The following AMPH variants were observed in gnomAD, a reference collection of about 807,000 sequenced individuals.
AMPH encodes amphiphysin, also known as amphiphysin (Stiff-Mann syndrome with breast cancer 128kD autoantigen).
Under a neutral mutation model 99.1 loss-of-function variants are expected in AMPH, and 49 were observed. The observed-to-expected ratio is 0.49, with a 90% CI of 0.39 to 0.63. The LOEUF (loss-of-function observed/expected upper bound fraction) is 0.63, where lower values mean the gene tolerates loss of function less well. Ranked by LOEUF, AMPH falls within the 20% of genes least tolerant of loss-of-function variation. AMPH has a pLI of 0.00. For missense variants in AMPH, 759 were observed against 863.4 expected, an observed-to-expected ratio of 0.88 and a Z score of 1.52; for synonymous variants, 314 against 317.3, an observed-to-expected ratio of 0.99 and a Z score of 0.11.
intron 11 of AMPH, among the ~76,000 whole-genome samples, chr7:38,437,631 AAAAAAAAAAAAAG>A (rs1411823819): frequency 7.6e-6 from 1 of 131,460 alleles, no homozygotes; most frequent in Non-Finnish European, 1.6e-5. Context: ...AATACAAAAA[AAAAAAAAAAAAAG>A]AAAAGAAAAA....
At chr7:38,420,278 T>C (rs1441544729) in intron 16 of AMPH, among the ~76,000 whole-genome samples, 1 of 152,228 alleles carries the variant, frequency 6.6e-6, no homozygotes. Context: ...ATTCTAAGTA[T>C]TTTGTCAAGA....
chr7:38,520,260 C>A (rs1306670757), intron 2 of AMPH, among the ~76,000 whole-genome samples: 1 of 152,170 alleles, frequency 6.6e-6, no homozygotes. Context: ...CAGGAATAAA[C>A]TCTCCCTAGT....
chr7:38,529,556 G>A (rs1790316866), intron 2 of AMPH, among the ~76,000 whole-genome samples: 2 of 152,200 alleles, frequency 1.3e-5, no homozygotes, highest in South Asian at 4.1e-4. Flanking sequence ...ACACTGCTCT[G>A]GAGGGCACAA....
chr7:38,406,765 T>C (rs1014168290), intron 17 of AMPH, among the ~76,000 whole-genome samples: 1 of 144,874 alleles, frequency 6.9e-6, no homozygotes. Flanking sequence ...TCTCTCTCTC[T>C]CTCTCTCTCT....
At chr7:38,514,267 A>C (rs929932996) in intron 2 of AMPH, among the ~76,000 whole-genome samples, 51 of 152,366 alleles carry the variant, frequency 3.3e-4, no homozygotes, top group African/African-American at 1.1e-3. Context: ...GTAAATCCAT[A>C]GCAAATTCAT....
At chr7:38,610,211 G>C (rs139721052) in intron 1 of AMPH, among the ~76,000 whole-genome samples, 3 of 119,020 alleles carry the variant, frequency 2.5e-5, no homozygotes, top group Admixed American at 1.9e-4. Flanking sequence ...ACTCCAGCCC[G>C]GGCAACAAAA....
chr7:38,615,078 A>C (rs575940256), intron 1 of AMPH, among the ~76,000 whole-genome samples: 1 of 152,336 alleles, frequency 6.6e-6, no homozygotes, highest in African/African-American at 2.4e-5. Flanking sequence ...ATATTGCAGA[A>C]TAACTTCACC....
chr7:38,542,473 T>C (rs1483101273), intron 1 of AMPH, among the ~76,000 whole-genome samples: 1 of 152,152 alleles, frequency 6.6e-6, no homozygotes, highest in Non-Finnish European at 1.5e-5. Context: ...CAGCCAGATG[T>C]TTGAGAGCAA....
chr7:38,422,307 G>T, intron 16 of AMPH, 114 bp downstream of exon 16: 2 of 837,018 alleles, frequency 2.4e-6, no homozygotes, highest in Non-Finnish European at 1.9e-6. Flanking sequence ...AAAAGTACAG[G>T]ATCCAGAAAC....
At chr7:38,488,154 T>C (rs1788580616) in intron 5 of AMPH, among the ~76,000 whole-genome samples, 1 of 152,120 alleles carries the variant, frequency 6.6e-6, no homozygotes, top group African/African-American at 2.4e-5. Flanking sequence ...TACCATTTGA[T>C]GCAGCAATCC....
At chr7:38,441,738 T>G (rs1166228537) in intron 11 of AMPH, among the ~76,000 whole-genome samples, 1 of 147,872 alleles carries the variant, frequency 6.8e-6, no homozygotes, top group African/African-American at 2.5e-5. Context: ...ATGATATATA[T>G]GACAGATATA....
At chr7:38,555,249 TA>T (rs35861878) in intron 1 of AMPH, among the ~76,000 whole-genome samples, 50,940 of 144,992 alleles carry the variant, frequency 0.35, 9,237 homozygotes, top group East Asian at 0.53. Flanking sequence ...TAACACAATT[TA>T]AAAAAAAAAA....
chr7:38,529,021 G>C (rs1327036902), intron 2 of AMPH, among the ~76,000 whole-genome samples: 2 of 151,994 alleles, frequency 1.3e-5, no homozygotes, highest in Admixed American at 1.3e-4. Flanking sequence ...TATTACACCA[G>C]ACTATCTTAA....
chr7:38,481,311 A>AT (rs1298913631), intron 5 of AMPH, among the ~76,000 whole-genome samples: 1 of 152,132 alleles, frequency 6.6e-6, no homozygotes, highest in Non-Finnish European at 1.5e-5. Flanking sequence ...ACTTAATTAA[A>AT]TTACATTATA....
rs545206439 is a variant in AMPH, at chr7:38,473,567, G to A, written c.590+1764C>T. On this transcript the variant is annotated intron_variant, in intron 7 of 20. Transcript: ENST00000356264. Reference sequence around the variant, plus strand: ...AAAATACAAAAAATTAGCCGGGCGCGGTGGCGGGCGCCTGTAGTCCCAGCT... The same window carrying A: ...AAAATACAAAAAATTAGCCGGGCGCAGTGGCGGGCGCCTGTAGTCCCAGCT... Among the ~76,000 whole-genome samples the A allele has an allele frequency of 1.1e-3, 118 of 106,578 alleles. 28 individuals carry two copies. Among genetic ancestry groups the A allele is most frequent in the South Asian group, 3.2e-3 (8 of 2,490 alleles). 69.9% of individuals were successfully genotyped at this position (106,578 alleles called of 152,430 possible). A position where few individuals can be genotyped will look rare whatever the true frequency, so the allele number is the denominator to read the frequency against.
rs527261359 is a variant in AMPH, at chr7:38,566,547, G to C, written c.70-31536C>G. Among the ~76,000 whole-genome samples, 205 of 152,218 alleles carry C rather than the reference G, an allele frequency of 1.3e-3. 1 individual carries two copies. The highest frequency in any genetic ancestry group is 3.8e-3 in the African/African-American group (158 of 41,544). ...GCAACAAAAGCCAAAATAGACAAAT[G>C]GGATCTAATTAAACTAAAGAGCTTC... is the stretch of plus-strand genomic sequence containing the variant. On this transcript the variant is annotated intron_variant, in intron 1 of 20. Coordinates refer to ENST00000356264, the MANE Select transcript of AMPH (RefSeq NM_001635.4).
chr7:38,473,020 TA>T (rs1339451873), intron 7 of AMPH, among the ~76,000 whole-genome samples: 1 of 152,188 alleles, frequency 6.6e-6, no homozygotes, highest in Non-Finnish European at 1.5e-5. Context: ...AAACCTTAGT[TA>T]TATACCCAAT....
Position 38,406,852 on chromosome 7 carries a change from GTT to G in AMPH, c.1398+10971_1398+10972del, listed in dbSNP as rs1185813163. Among the ~76,000 whole-genome samples the G allele has an allele frequency of 1.2e-4, 18 of 145,156 alleles. No individual in the cohort carries two copies. The East Asian group carries it at 3.5e-3, about 29-fold the overall frequency. ...ACTTAACACCAGTGGCCTCTTGGGG[GTT>G]CTCAGGCCTTTGGCATCACACAGAG... On this transcript the variant is annotated intron_variant, in intron 17 of 20. Transcript: ENST00000356264.
intron 1 of AMPH, among the ~76,000 whole-genome samples, chr7:38,570,869 C>A (rs1343874966): frequency 1.5e-5 from 2 of 134,836 alleles, no homozygotes; most frequent in Non-Finnish European, 3.1e-5. Context: ...TACTGGTGAT[C>A]CTGACCCTGT....
Sources: gnomAD v4.1 joint callset for allele counts (sites outside exome capture counted in the v4.1 genomes callset) on GRCh38, gnomAD v4.1.1 for gene constraint, MANE v1.5 for transcripts, NCBI Gene and HGNC (gene_info 2026-07-23, HGNC 2026-07-21) for gene names.